CTBP2: variants seen among roughly 807,000 people sequenced by gnomAD.
The protein encoded by CTBP2 is C-terminal binding protein 2, also known as C-terminal-binding protein 2.
CTBP2 carries 30 observed loss-of-function variants against 80.3 expected under a neutral mutation model. The observed-to-expected ratio is 0.37, with a 90% confidence interval of 0.28 to 0.51. The LOEUF (loss-of-function observed/expected upper bound fraction) is 0.51. Among genes scored for constraint, CTBP2 ranks in the 20% least tolerant of loss-of-function variants. CTBP2 has a pLI of 0.93. For missense variants in CTBP2, 1,212 were observed against 1,375.3 expected, an observed-to-expected ratio of 0.88 and a Z score of 1.88; for synonymous variants, 594 against 587.4, an observed-to-expected ratio of 1.01 and a Z score of -0.16.
chr10:125,088,409 C>G (rs1005100401), intron 2 of CTBP2: 2 of 152,146 alleles, frequency 1.3e-5, no homozygotes, highest in African/African-American at 4.8e-5. Context: ...TATAAACATA[C>G]AAAGAATGTC....
chr10:125,014,023 C>T (rs1444044713), intron 1 of CTBP2, among the ~76,000 whole-genome samples: 5 of 152,204 alleles, frequency 3.3e-5, no homozygotes, highest in Admixed American at 2.0e-4. Context: ...GTGAGGCATG[C>T]GCTCTTCCCA....
At chr10:125,100,787 A>G (rs1850497835) in intron 2 of CTBP2, 3 of 152,184 alleles carry the variant, frequency 2.0e-5, no homozygotes. Flanking sequence ...ATTTAAATAG[A>G]ATGTTTTTAG....
At chr10:124,996,365 G>C (rs1449120610) in intron 4 of CTBP2, 2 of 152,170 alleles carry the variant, frequency 1.3e-5, no homozygotes, top group East Asian at 3.9e-4. Flanking sequence ...AGTAGAACCC[G>C]AGGCCAGCAA....
chr10:125,132,541 G>A (rs768454745), intron 1 of CTBP2, among the ~76,000 whole-genome samples: 2 of 152,154 alleles, frequency 1.3e-5, no homozygotes, highest in Non-Finnish European at 2.9e-5. Context: ...TTTCCAACCA[G>A]CCTCTGACTC....
intron 2 of CTBP2, among the ~76,000 whole-genome samples, chr10:125,072,138 C>T (rs977474540): frequency 1.3e-5 from 2 of 152,138 alleles, no homozygotes; most frequent in Non-Finnish European, 2.9e-5. Flanking sequence ...ATGGTGAAAC[C>T]CCATCTCTAC....
chr10:125,141,341 G>T (rs961683905), intron 1 of CTBP2, among the ~76,000 whole-genome samples: 2 of 152,034 alleles, frequency 1.3e-5, no homozygotes, highest in Admixed American at 1.3e-4. Context: ...GACGCATAAG[G>T]AGCTGGCAGG....
intron 2 of CTBP2, among the ~76,000 whole-genome samples, chr10:125,101,942 G>A (rs537741990): frequency 2.6e-5 from 4 of 152,080 alleles, no homozygotes; most frequent in Non-Finnish European, 5.9e-5. Context: ...TGCCTCGATC[G>A]CTGAAACAAT....
upstream of CTBP2, among the ~76,000 whole-genome samples, chr10:125,031,935 C>G (rs1175990711): frequency 6.6e-6 from 1 of 152,138 alleles, no homozygotes; most frequent in African/African-American, 2.4e-5. Flanking sequence ...CAGTATTTAG[C>G]CATGGTAAGT....
In CTBP2 at chr10:125,027,463, C is replaced by T. The variant is rs1340890032; in HGVS notation, c.297G>A (p.Met99Ile). 2.5e-6 allele frequency: 4 copies of T among 1,614,068 alleles called. No homozygotes were observed. The highest frequency in any genetic ancestry group is 3.4e-6 in the Non-Finnish European group (4 of 1,180,034). Reference sequence around the variant, plus strand: ...GTGGCAGCAGGGGGCTGCGACCAGACATCACTGCCTGTCTGCTGTCGTAGA... The same window carrying T: ...GTGGCAGCAGGGGGCTGCGACCAGATATCACTGCCTGTCTGCTGTCGTAGA... The change falls in exon 1 of 9, where the codon ATG becomes ATA. Residue 99 changes from methionine (M) to isoleucine (I), a missense_variant. By Grantham distance (10) the Met-to-Ile change is conservative. Around this residue, in one of 3 missense-constraint regions of CTBP2, gnomAD observed 848 missense variants for 782.3 expected, o/e 1.08. Coordinates refer to ENST00000309035, the MANE Select transcript of CTBP2 (RefSeq NM_022802.3).
chr10:125,142,517 C>A (rs1242611235), intron 1 of CTBP2, among the ~76,000 whole-genome samples: 4 of 152,174 alleles, frequency 2.6e-5, no homozygotes, highest in African/African-American at 9.7e-5. Context: ...GCACAGAGAA[C>A]TTTCCTCGGT....
At chr10:125,094,359 T>C (rs1475387802) in intron 2 of CTBP2, among the ~76,000 whole-genome samples, 2 of 152,172 alleles carry the variant, frequency 1.3e-5, no homozygotes, top group Non-Finnish European at 2.9e-5. Flanking sequence ...ACCAGGCATG[T>C]GGCGACGGCT....
chr10:125,119,706 A>C (rs570710953), intron 1 of CTBP2, among the ~76,000 whole-genome samples: 1 of 152,344 alleles, frequency 6.6e-6, no homozygotes, highest in South Asian at 2.1e-4. Context: ...GCTAAGATTA[A>C]AAAGGATTTT....
intron 1 of CTBP2, among the ~76,000 whole-genome samples, chr10:125,015,952 G>C (rs533968851): frequency 6.6e-6 from 1 of 152,238 alleles, no homozygotes; most frequent in Non-Finnish European, 1.5e-5. Context: ...AAGGCCACAG[G>C]CAACCCAGAG....
At chr10:125,070,649 AT>A (rs1845329878) in intron 2 of CTBP2, among the ~76,000 whole-genome samples, 1 of 151,638 alleles carries the variant, frequency 6.6e-6, no homozygotes. Flanking sequence ...TATCATCACA[AT>A]TTTTATGTAA....
chr10:124,997,915 A>G (rs1217715054), intron 4 of CTBP2, 49 bp downstream of exon 6: 1 of 1,570,428 alleles, frequency 6.4e-7, no homozygotes, highest in Non-Finnish European at 8.6e-7. Context: ...CCACTACACC[A>G]GCCCCAGTGT....
chr10:125,005,860 G>C, intron 1 of CTBP2: 1 of 1,569,742 alleles, frequency 6.4e-7, no homozygotes. Context: ...TTCACTTTCA[G>C]GGGTGCTGGC....
rs768617026 is a variant in CTBP2 at position 125,005,660 on chromosome 10, C to T, written c.1679-2168G>A. On this transcript the variant is annotated intron_variant, in intron 1 of 8. Transcript: ENST00000309035. ...GTCACCTGACGAGGAACCCGACACA[C>T]ATGGCTCCCACCTGGGCTCCTGTTT... 3 of 1,612,838 alleles carry T rather than the reference C, an allele frequency of 1.9e-6. No individual in the cohort carries two copies. The African/African-American group carries it at 4.0e-5, about 22-fold the overall frequency.
At chr10:125,054,402 G>C (rs1963438742) in intron 2 of CTBP2, among the ~76,000 whole-genome samples, 1 of 152,100 alleles carries the variant, frequency 6.6e-6, no homozygotes, top group South Asian at 2.1e-4. Flanking sequence ...CCTAAGGAGA[G>C]ACCCACGGAA....
chr10:125,084,510 C>A (rs1014312819), intron 2 of CTBP2, among the ~76,000 whole-genome samples: 1 of 152,170 alleles, frequency 6.6e-6, no homozygotes, highest in Admixed American at 6.5e-5. Flanking sequence ...CCCAAACCTT[C>A]CCCATCCTCT....
Sources: gnomAD v4.1 joint callset for allele counts (sites outside exome capture counted in the v4.1 genomes callset) on GRCh38, gnomAD v4.1.1 for gene constraint, gnomAD v4.1.1 regional missense constraint, MANE v1.5 for transcripts, NCBI Gene and HGNC (gene_info 2026-07-23, HGNC 2026-07-21) for gene names.